Variants in VPS13A observed in about 807,000 individuals in gnomAD.
The protein encoded by VPS13A is intermembrane lipid transfer protein VPS13A.
Under a neutral mutation model 390.9 loss-of-function variants are expected in VPS13A, and 264 were observed. That is an observed-to-expected ratio of 0.68 (90% CI 0.61 to 0.75). The LOEUF (loss-of-function observed/expected upper bound fraction) is 0.75. Ranked by LOEUF, VPS13A falls within the 30% of genes least tolerant of loss-of-function variation. VPS13A has a pLI of 0.00. For missense variants in VPS13A, 3,409 were observed against 3,733.9 expected (o/e 0.91, Z 2.27); for synonymous variants, 1,231 against 1,227.1 (o/e 1.00, Z -0.07).
intron 10 of VPS13A, among the ~76,000 whole-genome samples, chr9:77,219,218 A>G (rs1823039934): frequency 6.6e-6 from 1 of 152,082 alleles, no homozygotes; most frequent in Admixed American, 6.5e-5. Context: ...ATCTTTAAGC[A>G]TTTATTTATA....
chr9:77,358,388 C>G lies in VPS13A; in HGVS notation c.7985C>G (p.Pro2662Arg), dbSNP rs1831939407. 2 of 1,612,820 alleles carry G rather than the reference C, an allele frequency of 1.2e-6. No individual in the cohort carries two copies. The highest frequency in any genetic ancestry group is 2.7e-5 in the African/African-American group (2 of 74,734). ...IQNQIHGAVFPFVFYPVKPPK... is the reference protein window; with the variant it reads ...IQNQIHGAVFRFVFYPVKPPK... ...AATCAGATACATGGTGCTGTATTTC[C>G]CTTTGTGTTTTATCCTGTTAAACCT... Residue 2662 changes from proline (P) to arginine (R), a missense_variant, in exon 57 of 72, where the codon CCC (proline) becomes CGC (arginine). Physicochemically the swap from Pro to Arg is moderately radical, Grantham distance 103. Transcript: ENST00000360280.
At position 77,420,612 on chromosome 9, in the gene VPS13A, C is replaced by A. The variant is rs1835312357; in HGVS notation, c.*4606C>A. On this transcript the variant is annotated 3_prime_UTR_variant, in exon 72 of 72. Coordinates refer to ENST00000360280, the MANE Select transcript of VPS13A (RefSeq NM_033305.3). ...CAAATTAATTTATATTATAGTTTAA[C>A]ACCTGCTATGATGATAGATATCACA... 1 of 152,048 alleles carries A rather than the reference C, an allele frequency of 6.6e-6. No homozygotes were observed. The highest frequency in any genetic ancestry group is 1.5e-5 in the Non-Finnish European group (1 of 68,006). 9.4% of individuals were successfully genotyped at this position (152,048 alleles called of 1,614,324 possible).
chr9:77,231,130 A>T (rs1823807698), intron 17 of VPS13A, among the ~76,000 whole-genome samples: 1 of 152,030 alleles, frequency 6.6e-6, no homozygotes, highest in Admixed American at 6.6e-5. Context: ...GAGTTTTTTT[A>T]GTTGATTCCT....
chr9:77,352,291 T>C (rs1315893478), intron 53 of VPS13A, among the ~76,000 whole-genome samples: 1 of 152,194 alleles, frequency 6.6e-6, no homozygotes, highest in Admixed American at 6.5e-5. Flanking sequence ...AAGTTTTTAA[T>C]CCTTCAAGAT....
intron 19 of VPS13A, among the ~76,000 whole-genome samples, chr9:77,239,488 A>AT (rs539723826): frequency 3.7e-4 from 56 of 151,866 alleles, no homozygotes; most frequent in African/African-American, 1.3e-3. Flanking sequence ...TAATGCTTTA[A>AT]TTTTTTTCCC....
At chr9:77,403,203 A>G (rs750129126) in intron 68 of VPS13A, 33 bp from the exon 69 acceptor site, 22 of 1,526,752 alleles carry the variant, frequency 1.4e-5, no homozygotes, top group African/African-American at 1.2e-4. Context: ...AATACTATCA[A>G]TTTTCTCATT....
At chr9:77,404,289 TG>T (rs1329224548) in intron 69 of VPS13A, among the ~76,000 whole-genome samples, 1 of 152,306 alleles carries the variant, frequency 6.6e-6, no homozygotes, top group East Asian at 1.9e-4. Flanking sequence ...TTAATGTAGA[TG>T]AAATTCTCTT....
At chr9:77,361,578 T>A (rs1036800656) in intron 59 of VPS13A, among the ~76,000 whole-genome samples, 1 of 152,122 alleles carries the variant, frequency 6.6e-6, no homozygotes, top group African/African-American at 2.4e-5. Flanking sequence ...AAAAACTTTA[T>A]TAAAAGTCTT....
chr9:77,388,492 A>T (rs904955434), intron 68 of VPS13A, among the ~76,000 whole-genome samples: 5 of 152,154 alleles, frequency 3.3e-5, no homozygotes, highest in Non-Finnish European at 7.4e-5. Flanking sequence ...TTCCATATCA[A>T]CCGATATATA....
chr9:77,352,830 A>G (rs1307130892), intron 53 of VPS13A, among the ~76,000 whole-genome samples: 2 of 152,134 alleles, frequency 1.3e-5, no homozygotes, highest in Non-Finnish European at 1.5e-5. Flanking sequence ...TGAAAATCAG[A>G]ATATTAACTA....
chr9:77,323,707 C>G (rs767466772), intron 45 of VPS13A, among the ~76,000 whole-genome samples: 1 of 152,082 alleles, frequency 6.6e-6, no homozygotes, highest in Non-Finnish European at 1.5e-5. Context: ...TTCTGTTTCC[C>G]CACTTTCCCA....
intron 19 of VPS13A, among the ~76,000 whole-genome samples, chr9:77,240,160 T>C (rs1434153113): frequency 6.6e-6 from 1 of 151,394 alleles, no homozygotes; most frequent in East Asian, 1.9e-4. Flanking sequence ...TTTTTTTTTT[T>C]CAACCTCTGC....
chr9:77,283,449 C>A lies in VPS13A; in HGVS notation c.3213C>A (p.Asn1071Lys). ...LQIFIQDQKCNISEIKIEGLD... is the reference protein window; with the variant it reads ...LQIFIQDQKCKISEIKIEGLD... Reference sequence around the variant, plus strand: ...TCTTTATTCAAGATCAGAAATGTAACATTTCTGAAATTAAGATTGAAGGTA... The same window carrying A: ...TCTTTATTCAAGATCAGAAATGTAAAATTTCTGAAATTAAGATTGAAGGTA... The change falls in exon 30 of 72, where the codon AAC (asparagine) becomes AAA (lysine). Residue 1071 changes from asparagine to lysine, a missense_variant. Physicochemically the swap from Asn to Lys is moderately conservative, Grantham distance 94. Transcript: ENST00000360280. 2 of 1,604,892 alleles carry A rather than the reference C, an allele frequency of 1.2e-6. No individual in the cohort carries two copies. The highest frequency in any genetic ancestry group is 1.7e-6 in the Non-Finnish European group (2 of 1,172,280).
chr9:77,274,035 G>C (rs573180258), intron 24 of VPS13A, among the ~76,000 whole-genome samples: 195 of 152,186 alleles, frequency 1.3e-3, no homozygotes, highest in Admixed American at 5.6e-3. Context: ...GCAGATATTT[G>C]TATATTTTCA....
At chr9:77,227,558 TGTTGCCCAGGCTGGACTGCAGTG>T in intron 16 of VPS13A, 73 bp downstream of exon 16, 1 of 1,233,996 alleles carries the variant, frequency 8.1e-7, no homozygotes, top group Non-Finnish European at 1.2e-6. Flanking sequence ...GGTCTCACTC[TGTTGCCCAGGCTGGACTGCAGTG>T]GTGTGATCTC....
chr9:77,320,009 C>CAAT (rs1032036543), intron 42 of VPS13A, among the ~76,000 whole-genome samples: 1 of 152,094 alleles, frequency 6.6e-6, no homozygotes, highest in Admixed American at 6.6e-5. Context: ...AATCTAAGGC[C>CAAT]AATGTTGCCT....
At chr9:77,225,115 AC>A (rs1288864303) in intron 13 of VPS13A, among the ~76,000 whole-genome samples, 6 of 152,298 alleles carry the variant, frequency 3.9e-5, no homozygotes, top group Admixed American at 3.3e-4. Context: ...TAGGAACATA[AC>A]TTTTATATGC....
chr9:77,285,863 C>G (rs1412542715), intron 31 of VPS13A, among the ~76,000 whole-genome samples: 2 of 152,164 alleles, frequency 1.3e-5, no homozygotes, highest in African/African-American at 4.8e-5. Context: ...TATGAATTTC[C>G]TTTAGTTTCT....
chr9:77,182,511 A>T (rs1033519259), intron 1 of VPS13A, among the ~76,000 whole-genome samples: 4 of 152,200 alleles, frequency 2.6e-5, no homozygotes, highest in Non-Finnish European at 5.9e-5. Flanking sequence ...GGACATGAAA[A>T]TATTTTTTTA....
Sources: allele counts gnomAD v4.1 joint callset (sites outside exome capture counted in the v4.1 genomes callset), GRCh38; gene constraint gnomAD v4.1.1; transcripts MANE v1.5; gene names NCBI Gene and HGNC (gene_info 2026-07-23, HGNC 2026-07-21).